LMNB2: variants seen among roughly 807,000 people sequenced by gnomAD.
LMNB2 encodes lamin-B2.
In LMNB2, 17 loss-of-function variants were observed where a neutral mutation model predicts 69.3. That is an observed-to-expected ratio of 0.25 (90% CI 0.17 to 0.37). The LOEUF (loss-of-function observed/expected upper bound fraction) is 0.37, where lower values mean the gene tolerates loss of function less well. Among genes scored for constraint, LMNB2 ranks in the 10% least tolerant of loss-of-function variants. LMNB2 has a pLI of 1.00. For synonymous variants in LMNB2, 397 were observed against 389.3 expected, an observed-to-expected ratio of 1.02 and a Z score of -0.23; for missense variants, 789 against 883.6, an observed-to-expected ratio of 0.89 and a Z score of 1.36.
Position 2,434,802 on chromosome 19 carries a change from C to T in LMNB2, c.967G>A (p.Gly323Ser), listed in dbSNP as rs771401646. The T allele has an allele frequency of 7.6e-5, 122 of 1,607,268 alleles. No homozygotes were observed. Among genetic ancestry groups the T allele is most frequent in the Admixed American group, 1.2e-4 (7 of 59,526 alleles). Reference protein sequence around the residue: ...RLESLSYQLSGLQKQASAAED... With the variant: ...RLESLSYQLSSLQKQASAAED... ...GTGCTCATCACCTGCTTCTGGAGGC[C>T]GGAGAGCTGGTAGCTGAGGGACTCC... Residue 323 changes from glycine to serine, a missense_variant, in exon 6 of 12, where the codon GGC (glycine) becomes AGC (serine). Gly to Ser is a moderately conservative substitution (Grantham distance 56). This residue lies in a region of LMNB2 where 609 missense variants were observed against 630.9 expected (regional missense o/e 0.97). Transcript: ENST00000325327.
Position 2,430,808 on chromosome 19 carries a change from G to T in LMNB2, c.*103C>A. 1 of 892,244 alleles carries T rather than the reference G, an allele frequency of 1.1e-6. No individual in the cohort carries two copies. Among genetic ancestry groups the T allele is most frequent in the South Asian group, 1.3e-5 (1 of 75,902 alleles). The allele number at this position is 892,244 out of a possible 1,614,324, so 55.3% of individuals were successfully genotyped here. A position where few individuals can be genotyped will look rare whatever the true frequency, so the allele number is the denominator to read the frequency against. On this transcript the variant is annotated 3_prime_UTR_variant, in exon 12 of 12. Coordinates refer to ENST00000325327, the MANE Select transcript of LMNB2 (RefSeq NM_032737.4). Reference sequence around the variant, plus strand: ...CCCACACGTTCTGGCAGTTCGCTTAGAAATTCTCTAGAAATGTATCAAGAA... The same window carrying T: ...CCCACACGTTCTGGCAGTTCGCTTATAAATTCTCTAGAAATGTATCAAGAA...
intron 1 of LMNB2, among the ~76,000 whole-genome samples, chr19:2,455,130 A>T (rs939562253): frequency 6.6e-6 from 1 of 151,722 alleles, no homozygotes; most frequent in African/African-American, 2.4e-5. Flanking sequence ...TCGGCCCCCT[A>T]CCCACCCTGG....
intron 2 of LMNB2, among the ~76,000 whole-genome samples, chr19:2,442,451 C>T (rs985214115): frequency 6.6e-6 from 1 of 152,136 alleles, no homozygotes; most frequent in South Asian, 2.1e-4. Flanking sequence ...AGCCTCTAAT[C>T]CCAACTATTC....
chr19:2,450,061 T>C (rs1383185280), intron 1 of LMNB2, among the ~76,000 whole-genome samples: 1 of 143,802 alleles, frequency 7.0e-6, no homozygotes, highest in East Asian at 2.3e-4. Context: ...GGCAACAGAG[T>C]GAAACTCCGT....
intron 9 of LMNB2, among the ~76,000 whole-genome samples, chr19:2,432,173 C>T (rs373831993): frequency 3.9e-5 from 6 of 152,206 alleles, no homozygotes; most frequent in East Asian, 1.9e-4. Flanking sequence ...TAACACTTCA[C>T]GGGGACGCCT....
chr19:2,437,818 A>G (rs79051964), intron 4 of LMNB2, among the ~76,000 whole-genome samples: 7,401 of 151,576 alleles, frequency 0.049, 344 homozygotes, highest in African/African-American at 0.11. Context: ...ACGTGCCCAC[A>G]TCCCGATCCC....
intron 1 of LMNB2, among the ~76,000 whole-genome samples, chr19:2,452,496 G>A (rs1167094664): frequency 6.6e-6 from 1 of 151,636 alleles, no homozygotes; most frequent in Non-Finnish European, 1.5e-5. Context: ...GGAAAGCTGA[G>A]GCGGGCAGAT....
intron 4 of LMNB2, chr19:2,436,661 C>T (rs1325898075): frequency 6.6e-6 from 1 of 152,040 alleles, no homozygotes; most frequent in African/African-American, 2.5e-5. Flanking sequence ...CCACGGCCGC[C>T]CTCTCGCCTC....
chr19:2,446,332 C>T (rs898222128), intron 1 of LMNB2, among the ~76,000 whole-genome samples: 8 of 151,876 alleles, frequency 5.3e-5, no homozygotes, highest in African/African-American at 1.5e-4. Flanking sequence ...CCCTCTGGGC[C>T]GCCCAGCTAA....
chr19:2,431,915 T>C lies in LMNB2; in HGVS notation c.1591-13A>G. ...CAGCTGCCCACACCTGAGGACCCAA[T>C]AACAATGGCCCCATCAGGGTCACCT... On this transcript the variant is annotated splice_polypyrimidine_tract_variant and intron_variant, in intron 9 of 11. Coordinates refer to ENST00000325327, the MANE Select transcript of LMNB2 (RefSeq NM_032737.4). 1.9e-6 allele frequency: 3 copies of C among 1,607,512 alleles called. No homozygotes were observed. Among genetic ancestry groups the C allele is most frequent in the Non-Finnish European group, 2.5e-6 (3 of 1,179,258 alleles).
intron 1 of LMNB2, among the ~76,000 whole-genome samples, chr19:2,451,333 T>C (rs540409479): frequency 2.0e-5 from 3 of 152,308 alleles, no homozygotes; most frequent in African/African-American, 4.8e-5. Flanking sequence ...TGTGTATAAA[T>C]AAAGTTTTAT....
At position 2,446,290 on chromosome 19, in the gene LMNB2, G is replaced by A. The variant is rs529691062; in HGVS notation, c.265-1750C>T. Among the ~76,000 whole-genome samples the A allele has an allele frequency of 8.6e-5, 13 of 151,874 alleles. No homozygotes were observed. In the East Asian group the frequency reaches 9.7e-4, roughly 11 times the overall value. On this transcript the variant is annotated intron_variant, in intron 1 of 11. Coordinates refer to ENST00000325327, the MANE Select transcript of LMNB2 (RefSeq NM_032737.4). ...CATGGGGAGGGGCTGGAGAGCCAGG[G>A]GTCACCAGGGCAGGCAGAAGCGACT...
At chr19:2,446,438 C>T (rs930075145) in intron 1 of LMNB2, among the ~76,000 whole-genome samples, 1 of 152,102 alleles carries the variant, frequency 6.6e-6, no homozygotes, top group African/African-American at 2.4e-5. Flanking sequence ...CCAGGGAAGG[C>T]GACCTCTTCA....
chr19:2,456,897 G>T lies in LMNB2; in HGVS notation c.37C>A (p.Arg13Ser), dbSNP rs1296402064. 9.7e-7 allele frequency: 1 copy of T among 1,029,520 alleles called. No homozygotes were observed. The highest frequency in any genetic ancestry group is 5.8e-5 in the Admixed American group (1 of 17,368). 63.8% of individuals were successfully genotyped at this position (1,029,520 alleles called of 1,614,324 possible). A position where few individuals can be genotyped will look rare whatever the true frequency, so the allele number is the denominator to read the frequency against. Residue 13 changes from arginine (R) to serine (S), a missense_variant, in exon 1 of 12, where the codon CGC (arginine) becomes AGC (serine). Arg to Ser is a moderately radical substitution (Grantham distance 110). Transcript: ENST00000325327. Reference sequence around the variant, plus strand: ...ATGGTGGCGGCGGCTCGCGGCCTGCGCTGCTCCCGACGGCGGCCCGGGCTC... The same window carrying T: ...ATGGTGGCGGCGGCTCGCGGCCTGCTCTGCTCCCGACGGCGGCCCGGGCTC... ...PPSPGRRREQ[R>S]RPRAAATMAT...
chr19:2,440,403 TG>T (rs771594313), intron 2 of LMNB2, among the ~76,000 whole-genome samples: 3 of 152,132 alleles, frequency 2.0e-5, no homozygotes, highest in Non-Finnish European at 4.4e-5. Context: ...TTGGTTAGCC[TG>T]GTCTTGAACT....
intron 2 of LMNB2, among the ~76,000 whole-genome samples, chr19:2,440,481 C>T (rs1971885501): frequency 6.6e-6 from 1 of 152,204 alleles, no homozygotes. Context: ...TGAGCCACCG[C>T]ACCCAGCCTT....
At chr19:2,440,184 G>A (rs1971880107) in intron 2 of LMNB2, among the ~76,000 whole-genome samples, 1 of 151,016 alleles carries the variant, frequency 6.6e-6, no homozygotes, top group African/African-American at 2.4e-5. Context: ...TTCTACAGAT[G>A]GCTGTATCTT....
intron 1 of LMNB2, among the ~76,000 whole-genome samples, chr19:2,456,382 G>C (rs548108115): frequency 2.0e-5 from 3 of 149,154 alleles, no homozygotes; most frequent in African/African-American, 7.4e-5. Flanking sequence ...GGGCCTGGCC[G>C]AACTGCACCG....
chr19:2,429,379 G>GC lies in LMNB2; in HGVS notation c.*1531dup, dbSNP rs1262322100. ...AGGAGGAAATGCTTTGGTAAGATGC[G>GC]CCCCCCTCTATCTACATGGGACCGG... On this transcript the variant is annotated 3_prime_UTR_variant, in exon 12 of 12. Coordinates refer to ENST00000325327, the MANE Select transcript of LMNB2 (RefSeq NM_032737.4). The GC allele has an allele frequency of 1.3e-5, 2 of 152,268 alleles. No homozygotes were observed. The highest frequency in any genetic ancestry group is 2.4e-5 in the African/African-American group (1 of 41,460). The allele number at this position is 152,268 out of a possible 1,614,324, so 9.4% of individuals were successfully genotyped here. A position where few individuals can be genotyped will look rare whatever the true frequency, so the allele number is the denominator to read the frequency against.
Sources: gnomAD v4.1 joint callset for allele counts (sites outside exome capture counted in the v4.1 genomes callset) on GRCh38, gnomAD v4.1.1 for gene constraint, gnomAD v4.1.1 regional missense constraint, MANE v1.5 for transcripts, NCBI Gene and HGNC (gene_info 2026-07-23, HGNC 2026-07-21) for gene names.